Variants in EYA2 observed in about 807,000 individuals in gnomAD.
EYA2 encodes EYA transcriptional coactivator and phosphatase 2.
EYA2 carries 31 observed loss-of-function variants against 69.2 expected under a neutral mutation model. The ratio of observed to expected loss-of-function variants is 0.45; its 90% CI spans 0.34 to 0.60. EYA2 has a LOEUF of 0.60. Among genes scored for constraint, EYA2 ranks in the 20% least tolerant of loss-of-function variants. The pLI, the probability that EYA2 is intolerant of heterozygous loss-of-function variation, is 0.02. For synonymous variants in EYA2, 257 were observed against 279.4 expected, an observed-to-expected ratio of 0.92 and a Z score of 0.80; for missense variants, 622 against 701.2, an observed-to-expected ratio of 0.89 and a Z score of 1.28.
At chr20:47,163,046 T>C (rs1459424107) in intron 10 of EYA2, among the ~76,000 whole-genome samples, 1 of 151,832 alleles carries the variant, frequency 6.6e-6, no homozygotes, top group Non-Finnish European at 1.5e-5. Context: ...CTTTTTTTTT[T>C]TTAAACAGAG....
At chr20:47,014,304 C>T (rs1021467946) in intron 4 of EYA2, among the ~76,000 whole-genome samples, 46 of 152,074 alleles carry the variant, frequency 3.0e-4, no homozygotes, top group African/African-American at 1.0e-3. Context: ...TCTTATTTTA[C>T]GGGGTTGACA....
chr20:47,084,886 A>C (rs2031844431), intron 7 of EYA2, among the ~76,000 whole-genome samples: 1 of 141,882 alleles, frequency 7.0e-6, no homozygotes, highest in Admixed American at 7.4e-5. Context: ...CCCAGGCTGG[A>C]GTGCAGTGGT....
chr20:47,182,210 T>A (rs9789793), intron 14 of EYA2, among the ~76,000 whole-genome samples: 59,370 of 151,252 alleles, frequency 0.39, 12,146 homozygotes, highest in Non-Finnish European at 0.46. Flanking sequence ...AGACGGGGTT[T>A]CACCTTGTTG....
At chr20:46,996,192 A>G (rs974061887) in intron 2 of EYA2, among the ~76,000 whole-genome samples, 5 of 152,194 alleles carry the variant, frequency 3.3e-5, no homozygotes, top group Admixed American at 2.0e-4. Context: ...CACATACACA[A>G]TTGCACATAA....
chr20:46,980,967 T>C (rs1980796401), intron 1 of EYA2, among the ~76,000 whole-genome samples: 1 of 152,254 alleles, frequency 6.6e-6, no homozygotes, highest in Non-Finnish European at 1.5e-5. Context: ...AATATTCTAG[T>C]GTATATGCAT....
intron 5 of EYA2, among the ~76,000 whole-genome samples, chr20:47,050,774 G>T (rs918519156): frequency 6.6e-6 from 1 of 152,218 alleles, no homozygotes; most frequent in African/African-American, 2.4e-5. Context: ...TCTGCAGAAG[G>T]GCCCTTATTC....
intron 9 of EYA2, among the ~76,000 whole-genome samples, chr20:47,121,618 G>C (rs1442647008): frequency 1.3e-5 from 2 of 152,088 alleles, no homozygotes; most frequent in African/African-American, 4.8e-5. Context: ...AGGAGTTTGA[G>C]ACCACCCTGG....
intron 1 of EYA2, among the ~76,000 whole-genome samples, chr20:46,939,722 C>T (rs1600563099): frequency 6.6e-6 from 1 of 152,112 alleles, no homozygotes; most frequent in East Asian, 1.9e-4. Context: ...GTTTTGTCTC[C>T]TCTATTTGTA....
chr20:47,172,787 G>T lies in EYA2; in HGVS notation c.1118G>T (p.Gly373Val). 6.2e-7 allele frequency: 1 copy of T among 1,614,174 alleles called. No homozygotes were observed. The highest frequency in any genetic ancestry group is 8.5e-7 in the Non-Finnish European group (1 of 1,180,028). The change falls in exon 12 of 16, where the codon GGC (glycine) becomes GTC (valine). Residue 373 changes from glycine (G) to valine (V), a missense_variant. This residue lies in a region of EYA2 where 257 missense variants were observed against 351.5 expected (regional missense o/e 0.73). Coordinates refer to ENST00000327619, the MANE Select transcript of EYA2 (RefSeq NM_005244.5). ...NLCLGSGVHG[G>V]VDWMRKLAFR... ...TGCCTGGGCTCTGGCGTGCACGGCGGCGTGGACTGGATGAGGAAGCTGGCC... is the reference window on the plus strand; with the variant it reads ...TGCCTGGGCTCTGGCGTGCACGGCGTCGTGGACTGGATGAGGAAGCTGGCC...
chr20:46,993,928 G>A (rs1981851366), intron 2 of EYA2, among the ~76,000 whole-genome samples: 1 of 152,206 alleles, frequency 6.6e-6, no homozygotes, highest in Non-Finnish European at 1.5e-5. Context: ...AGGCAGCAGT[G>A]TGCTCAAAAA....
At chr20:46,986,395 AAT>A (rs1450603962) in intron 1 of EYA2, among the ~76,000 whole-genome samples, 1 of 147,726 alleles carries the variant, frequency 6.8e-6, no homozygotes, top group African/African-American at 2.5e-5. Context: ...ATCGATATAT[AAT>A]ATATAGATCT....
At chr20:47,126,350 T>C (rs2033191890) in intron 9 of EYA2, among the ~76,000 whole-genome samples, 1 of 152,150 alleles carries the variant, frequency 6.6e-6, no homozygotes, top group African/African-American at 2.4e-5. Flanking sequence ...GCATCCCAAG[T>C]GCTTTCCACC....
intron 9 of EYA2, among the ~76,000 whole-genome samples, chr20:47,130,256 A>ATTTTTT (rs1392782309): frequency 5.7e-5 from 4 of 69,782 alleles, no homozygotes; most frequent in African/African-American, 1.5e-4. Context: ...AAGAAGGTTT[A>ATTTTTT]TTTTCTTTTT....
At chr20:47,116,811 A>T (rs2032906990) in intron 9 of EYA2, among the ~76,000 whole-genome samples, 1 of 152,122 alleles carries the variant, frequency 6.6e-6, no homozygotes, top group Non-Finnish European at 1.5e-5. Flanking sequence ...CCAAACTAAG[A>T]CATCGAGGAT....
chr20:47,056,519 G>A (rs1015433389), intron 5 of EYA2, among the ~76,000 whole-genome samples: 3 of 152,094 alleles, frequency 2.0e-5, no homozygotes, highest in East Asian at 1.9e-4. Flanking sequence ...ACATGTACTC[G>A]ATGCTGGGCT....
At chr20:46,973,155 C>G (rs1340947532) in intron 1 of EYA2, among the ~76,000 whole-genome samples, 2 of 152,312 alleles carry the variant, frequency 1.3e-5, no homozygotes, top group East Asian at 3.9e-4. Flanking sequence ...CAGAGCATTG[C>G]TGCCCTCCCC....
At chr20:47,107,016 C>G (rs987015032) in intron 9 of EYA2, among the ~76,000 whole-genome samples, 1 of 152,000 alleles carries the variant, frequency 6.6e-6, no homozygotes, top group Admixed American at 6.6e-5. Flanking sequence ...ACAACAAACC[C>G]GTGAATCAAC....
chr20:46,988,727 G>C (rs1268467464), intron 1 of EYA2, among the ~76,000 whole-genome samples: 1 of 151,906 alleles, frequency 6.6e-6, no homozygotes, highest in Non-Finnish European at 1.5e-5. Context: ...TTTGAGACAG[G>C]GTCTCACTCT....
At chr20:46,979,713 C>T (rs936853436) in intron 1 of EYA2, 1 of 152,184 alleles carries the variant, frequency 6.6e-6, no homozygotes, top group Non-Finnish European at 1.5e-5. Context: ...CTCTGCCCCT[C>T]AAACCACAAT....
Sources: gnomAD v4.1 joint callset for allele counts (sites outside exome capture counted in the v4.1 genomes callset) on GRCh38, gnomAD v4.1.1 for gene constraint, gnomAD v4.1.1 regional missense constraint, MANE v1.5 for transcripts, NCBI Gene and HGNC (gene_info 2026-07-23, HGNC 2026-07-21) for gene names.